NLRP10: variants seen among roughly 807,000 people sequenced by gnomAD.
NLRP10 encodes the protein NACHT, LRR and PYD domains-containing protein 10.
NLRP10 carries 7 observed loss-of-function variants against 8.2 expected under a neutral mutation model. The ratio of observed to expected loss-of-function variants is 0.85; its 90% CI spans 0.48 to 1.60. NLRP10 has a LOEUF of 1.60. NLRP10 is among the 40% of genes most tolerant of loss of function. NLRP10 has a pLI of 0.00. For missense variants in NLRP10, 814 were observed against 776.3 expected, an observed-to-expected ratio of 1.05 and a Z score of -0.58; for synonymous variants, 338 against 314.0, an observed-to-expected ratio of 1.08 and a Z score of -0.81.
Position 7,959,568 on chromosome 11 carries a change from T to C in NLRP10, c.*76A>G. 1.4e-6 allele frequency: 1 copy of C among 734,550 alleles called. No homozygotes were observed. Among genetic ancestry groups the C allele is most frequent in the Non-Finnish European group, 2.2e-6 (1 of 461,464 alleles). The allele number at this position is 734,550 out of a possible 1,614,324, so 45.5% of individuals were successfully genotyped here. On this transcript the variant is annotated 3_prime_UTR_variant, in exon 3 of 3. Coordinates refer to ENST00000691676, the MANE Select transcript of NLRP10 (RefSeq NM_001391958.1). ...TGAACATGGAAAATCTTCCCATTCA[T>C]TTACAGCTTCTTTGATTTCTTTCCT...
chr11:7,958,426 G>T lies in NLRP10; in HGVS notation c.*1218C>A, dbSNP rs1941656522. Among the ~76,000 whole-genome samples the T allele has an allele frequency of 6.6e-6, 1 of 152,208 alleles. No homozygotes were observed. The highest frequency in any genetic ancestry group is 6.5e-5 in the Admixed American group (1 of 15,274). Reference sequence around the variant, plus strand: ...GGATGTTAGCCATTCTAACAGGGGTGTCATGGTATCTTATTGTGGTTTTAG... The same window carrying T: ...GGATGTTAGCCATTCTAACAGGGGTTTCATGGTATCTTATTGTGGTTTTAG... On this transcript the variant is annotated 3_prime_UTR_variant, in exon 3 of 3. Transcript: ENST00000691676.
At chr11:7,963,110 G>A (rs1278830685) in intron 2 of NLRP10, 97 bp downstream of exon 2, 2 of 1,204,048 alleles carry the variant, frequency 1.7e-6, no homozygotes, top group African/African-American at 3.0e-5. Context: ...GGTGACAGAA[G>A]GCATAAGGTA....
At position 7,959,969 on chromosome 11, in the gene NLRP10, A is replaced by G; in HGVS notation, c.1643T>C (p.Phe548Ser). 6.2e-7 allele frequency: 1 copy of G among 1,614,110 alleles called. No individual in the cohort carries two copies. The change falls in exon 3 of 3, where the codon TTT becomes TCT. Residue 548 changes from phenylalanine to serine, a missense_variant. Transcript: ENST00000691676. ...CTTCATAGATTCCATCTGTTCTTTA[A>G]AATGCTTCAGATCCTGCGCTAAACA... ...SPCLAQDLKH[F>S]KEQMESMKHN...
At position 7,963,456 on chromosome 11, in the gene NLRP10, G is replaced by A. The variant is rs371934168; in HGVS notation, c.40C>T (p.Leu14Phe). The part of the protein sequence containing the change: ...AKARKPREAL[L>F]WALSDLEEND... ...TCCTCAAGGTCACTCAAGGCCCAGA[G>A]CAATGCCTCCCGGGGCTTTCTGGCC... The change falls in exon 2 of 3, where the codon CTC becomes TTC. Residue 14 changes from leucine to phenylalanine, a missense_variant. Leu to Phe is a conservative substitution (Grantham distance 22, BLOSUM62 0). Coordinates refer to ENST00000691676, the MANE Select transcript of NLRP10 (RefSeq NM_001391958.1). 2.1e-5 allele frequency: 34 copies of A among 1,613,844 alleles called. No individual in the cohort carries two copies. The African/African-American group carries it at 3.7e-4, about 18-fold the overall frequency.
intron 1 of NLRP10, among the ~76,000 whole-genome samples, chr11:7,964,355 T>A: frequency 6.6e-6 from 1 of 152,204 alleles, no homozygotes; most frequent in East Asian, 1.9e-4. Context: ...GCCTCACATG[T>A]CAGCCTCCTG....
intron 2 of NLRP10, among the ~76,000 whole-genome samples, chr11:7,962,228 G>GTTTTTTT (rs1196465022): frequency 1.4e-4 from 5 of 36,852 alleles, no homozygotes; most frequent in Admixed American, 3.4e-4. Context: ...AGATAAGCCT[G>GTTTTTTT]TTCTTTTTTT....
chr11:7,964,084 G>C (rs1014037571), intron 1 of NLRP10, among the ~76,000 whole-genome samples: 1 of 152,008 alleles, frequency 6.6e-6, no homozygotes, highest in Non-Finnish European at 1.5e-5. Context: ...ACCATGCCCA[G>C]CTCACTTTTG....
intron 2 of NLRP10, among the ~76,000 whole-genome samples, chr11:7,961,802 G>A (rs925073735): frequency 6.6e-6 from 1 of 152,212 alleles, no homozygotes; most frequent in African/African-American, 2.4e-5. Context: ...AGTGATAGGA[G>A]CCTTGATATA....
chr11:7,962,561 A>G (rs1375207174), intron 2 of NLRP10, among the ~76,000 whole-genome samples: 2 of 152,154 alleles, frequency 1.3e-5, no homozygotes, highest in African/African-American at 4.8e-5. Flanking sequence ...GGGAAAGGAC[A>G]AGCCAAATGC....
At chr11:7,964,070 C>T (rs1941779386) in intron 1 of NLRP10, among the ~76,000 whole-genome samples, 1 of 151,986 alleles carries the variant, frequency 6.6e-6, no homozygotes, top group South Asian at 2.1e-4. Flanking sequence ...TGCAGGTGCC[C>T]ACCACCATGC....
rs746349234 is a variant in NLRP10 at position 7,960,512 on chromosome 11, T to TGCCCCTGCA, written c.1091_1099dup (p.Leu364_Gly366dup). On this transcript the variant is annotated inframe_insertion, in exon 3 of 3. Coordinates refer to ENST00000691676, the MANE Select transcript of NLRP10 (RefSeq NM_001391958.1). ...TAAGACAACTTTGCCTCTCTCCATCTGCCCCTGCAGCCAGGAGCAGACCAC... is the reference window on the plus strand; with the variant it reads ...TAAGACAACTTTGCCTCTCTCCATCTGCCCCTGCAGCCCCTGCAGCCAGGAGCAGACCAC... The TGCCCCTGCA allele has an allele frequency of 7.4e-6, 12 of 1,614,108 alleles. No individual in the cohort carries two copies. The highest frequency in any genetic ancestry group is 1.0e-5 in the Non-Finnish European group (12 of 1,180,050).
Position 7,961,081 on chromosome 11 carries a change from A to C in NLRP10, c.531T>G (p.Thr177=). The change falls in exon 3 of 3, where the codon ACT becomes ACG. Residue 177 remains threonine (T), a synonymous_variant. Coordinates refer to ENST00000691676, the MANE Select transcript of NLRP10 (RefSeq NM_001391958.1). ...SLVVLQGSAG[T]GKTTLARKMV... Reference sequence around the variant, plus strand: ...TTTTTCTGGCGAGAGTTGTCTTTCCAGTGCCAGCCGACCCCTGTAGCACAA... The same window carrying C: ...TTTTTCTGGCGAGAGTTGTCTTTCCCGTGCCAGCCGACCCCTGTAGCACAA... 1.2e-6 allele frequency: 2 copies of C among 1,614,098 alleles called. No homozygotes were observed. The highest frequency in any genetic ancestry group is 1.7e-6 in the Non-Finnish European group (2 of 1,179,996).
Position 7,960,380 on chromosome 11 carries a change from C to T in NLRP10, c.1232G>A (p.Arg411Lys). 1 of 1,614,094 alleles carries T rather than the reference C, an allele frequency of 6.2e-7. No homozygotes were observed. Among genetic ancestry groups the T allele is most frequent in the Non-Finnish European group, 8.5e-7 (1 of 1,180,036 alleles). ...CSELSRHRVL[R>K]SLCSLAAEGI... ...TTCAGCTGCTAGGGAGCACAGACTC[C>T]TCAGGACCCTGTGCCGGGAAAGCTC... Residue 411 changes from arginine (R) to lysine (K), a missense_variant, in exon 3 of 3, where the codon AGG becomes AAG. Transcript: ENST00000691676.
chr11:7,961,038 T>C lies in NLRP10; in HGVS notation c.574A>G (p.Thr192Ala). 1 of 1,614,132 alleles carries C rather than the reference T, an allele frequency of 6.2e-7. No homozygotes were observed. Among genetic ancestry groups the C allele is most frequent in the Non-Finnish European group, 8.5e-7 (1 of 1,179,998 alleles). ...AACCGGCCTGGGTACAGAGTACCGG[T>C]GGCCCAGTCCAACACCATTTTTCTG... ...LARKMVLDWA[T>A]GTLYPGRFDY... is the part of the protein sequence containing the mutation. Residue 192 changes from threonine to alanine, a missense_variant, in exon 3 of 3, where the codon ACC becomes GCC. Transcript: ENST00000691676.
In NLRP10 at chr11:7,960,478, A is replaced by G. The variant is rs779644474; in HGVS notation, c.1134T>C (p.Pro378=). ...CCATGAAGATGTCAGTGCTGTTTCT[A>G]GGTGTCTCTAAGACAACTTTGCCTC... ...MERGKVVLET[P]RNSTDIFMAY... The change falls in exon 3 of 3, where the codon CCT becomes CCC. Residue 378 remains proline, a synonymous_variant. Transcript: ENST00000691676. The G allele has an allele frequency of 1.9e-6, 3 of 1,614,172 alleles. No individual in the cohort carries two copies. The South Asian group carries it at 3.3e-5, about 18-fold the overall frequency.
rs1355296553 is a variant in NLRP10, at chr11:7,960,271, C to G, written c.1341G>C (p.Leu447=). The part of the protein sequence containing the change: ...NLDGPRLAAF[L]SSNDYQLGLA... ...GTCCCAATTGGTAGTCGTTACTACTCAGGAAAGCGGCAAGCCTGGGGCCAT... is the reference window on the plus strand; with the variant it reads ...GTCCCAATTGGTAGTCGTTACTACTGAGGAAAGCGGCAAGCCTGGGGCCAT... The change falls in exon 3 of 3, where the codon CTG becomes CTC. Residue 447 remains leucine, a synonymous_variant. Coordinates refer to ENST00000691676, the MANE Select transcript of NLRP10 (RefSeq NM_001391958.1). 4.3e-6 allele frequency: 7 copies of G among 1,614,160 alleles called. No individual in the cohort carries two copies. The highest frequency in any genetic ancestry group is 2.2e-5 in the East Asian group (1 of 44,868).
chr11:7,960,880 G>C lies in NLRP10; in HGVS notation c.732C>G (p.Leu244=), dbSNP rs1428896811. 3 of 1,614,132 alleles carry C rather than the reference G, an allele frequency of 1.9e-6. No individual in the cohort carries two copies. In the East Asian group the frequency reaches 6.7e-5, roughly 36 times the overall value. Residue 244 remains leucine, a synonymous_variant, in exon 3 of 3, where the codon CTC becomes CTG. Coordinates refer to ENST00000691676, the MANE Select transcript of NLRP10 (RefSeq NM_001391958.1). ...CATCAAAGCCATCCAGGATGAACAG[G>C]AGCCGCTCTGGCTGCCTCAGAATCT... is the stretch of plus-strand genomic sequence containing the variant. ...VTEILRQPER[L]LFILDGFDEL...
At chr11:7,961,829 C>T (rs1174709078) in intron 2 of NLRP10, among the ~76,000 whole-genome samples, 2 of 152,122 alleles carry the variant, frequency 1.3e-5, no homozygotes, top group Admixed American at 6.5e-5. Context: ...GTGTTTATCC[C>T]CTCCAAATTT....
In NLRP10 at chr11:7,963,302, T is replaced by C. The variant is rs1941764257; in HGVS notation, c.194A>G (p.Tyr65Cys). The change falls in exon 2 of 3, where the codon TAT becomes TGT. Residue 65 changes from tyrosine to cysteine, a missense_variant. Coordinates refer to ENST00000691676, the MANE Select transcript of NLRP10 (RefSeq NM_001391958.1). ...AACTTTCACAGCCTCCTTTTCTCCA[T>C]ACTTTGAAATCAGTAATTCTGCCAG... ...VDLAELLISK[Y>C]GEKEAVKVVL... 1.2e-6 allele frequency: 2 copies of C among 1,614,218 alleles called. No homozygotes were observed. Among genetic ancestry groups the C allele is most frequent in the Non-Finnish European group, 1.7e-6 (2 of 1,180,036 alleles).
Sources: gnomAD v4.1 joint callset for allele counts (sites outside exome capture counted in the v4.1 genomes callset) on GRCh38, gnomAD v4.1.1 for gene constraint, MANE v1.5 for transcripts, NCBI Gene and HGNC (gene_info 2026-07-23, HGNC 2026-07-21) for gene names.